The following GRIA4 variants were observed in gnomAD, a reference collection of about 807,000 sequenced individuals.
GRIA4 encodes the protein glutamate ionotropic receptor AMPA type subunit 4.
In GRIA4, 34 loss-of-function variants were observed where a neutral mutation model predicts 104.0. That is an observed-to-expected ratio of 0.33 (90% CI 0.25 to 0.44). The LOEUF is 0.44. Ranked by LOEUF, GRIA4 falls within the 20% of genes least tolerant of loss-of-function variation. The probability of loss-of-function intolerance (pLI) is 1.00; values close to 1 mark genes in which losing one functional copy is unlikely to be tolerated. For synonymous variants in GRIA4, 386 were observed against 381.9 expected (o/e 1.01, Z -0.13); for missense variants, 750 against 1,096.5 (o/e 0.68, Z 4.46).
chr11:105,929,137 CCT>C (rs1378553230), intron 13 of GRIA4, among the ~76,000 whole-genome samples: 1 of 151,938 alleles, frequency 6.6e-6, no homozygotes, highest in Non-Finnish European at 1.5e-5. Context: ...CATTTCCTAC[CCT>C]GTTTGCTTCC....
intron 14 of GRIA4, among the ~76,000 whole-genome samples, chr11:105,960,628 A>C (rs1470939433): frequency 6.6e-6 from 1 of 152,164 alleles, no homozygotes; most frequent in East Asian, 1.9e-4. Context: ...AACAGCTTCG[A>C]CAGCAGGCAG....
chr11:105,888,716 T>C (rs1946364198), intron 6 of GRIA4, among the ~76,000 whole-genome samples: 1 of 152,080 alleles, frequency 6.6e-6, no homozygotes, highest in African/African-American at 2.4e-5. Context: ...TGTCAGACTT[T>C]GAGACAGGAA....
At chr11:105,786,341 T>A (rs181234359) in intron 4 of GRIA4, among the ~76,000 whole-genome samples, 6 of 152,252 alleles carry the variant, frequency 3.9e-5, no homozygotes, top group Admixed American at 3.3e-4. Context: ...TTAGGTTTAT[T>A]ACAACAAATT....
chr11:105,886,576 C>T (rs1946270993), intron 5 of GRIA4, among the ~76,000 whole-genome samples: 3 of 147,194 alleles, frequency 2.0e-5, no homozygotes, highest in African/African-American at 7.4e-5. Flanking sequence ...GGTTTTCCTA[C>T]ATTTCATACA....
At chr11:105,820,140 G>A (rs1943526270) in intron 4 of GRIA4, among the ~76,000 whole-genome samples, 1 of 152,042 alleles carries the variant, frequency 6.6e-6, no homozygotes, top group Non-Finnish European at 1.5e-5. Flanking sequence ...CAGACTTCTA[G>A]CCCCTACAAT....
At chr11:105,967,115 G>A (rs1313888431) in intron 14 of GRIA4, among the ~76,000 whole-genome samples, 1 of 151,866 alleles carries the variant, frequency 6.6e-6, no homozygotes, top group Admixed American at 6.6e-5. Flanking sequence ...AAATATCATA[G>A]AATAACACCA....
chr11:105,825,630 C>G (rs574341841), intron 4 of GRIA4, among the ~76,000 whole-genome samples: 2 of 152,024 alleles, frequency 1.3e-5, no homozygotes, highest in Non-Finnish European at 2.9e-5. Flanking sequence ...GTATCTGCAT[C>G]TAAGAGACAA....
intron 4 of GRIA4, among the ~76,000 whole-genome samples, chr11:105,844,663 C>T (rs956671860): frequency 6.6e-6 from 1 of 152,120 alleles, no homozygotes; most frequent in East Asian, 1.9e-4. Flanking sequence ...CTCCAAAGAT[C>T]CTAAAAGTTT....
At chr11:105,970,134 C>T (rs1257612333) in intron 14 of GRIA4, among the ~76,000 whole-genome samples, 1 of 152,104 alleles carries the variant, frequency 6.6e-6, no homozygotes, top group African/African-American at 2.4e-5. Flanking sequence ...TTAAATCATG[C>T]TCATGTCAGA....
At chr11:105,965,985 A>G (rs1858346793) in intron 14 of GRIA4, 2 of 1,613,006 alleles carry the variant, frequency 1.2e-6, no homozygotes, top group African/African-American at 1.3e-5. Flanking sequence ...CTGAATGAAC[A>G]AGGCCTCTTG....
chr11:105,855,145 T>C (rs1944965304), intron 4 of GRIA4, among the ~76,000 whole-genome samples: 1 of 152,162 alleles, frequency 6.6e-6, no homozygotes, highest in Non-Finnish European at 1.5e-5. Flanking sequence ...CTCACCATCT[T>C]TATTCATCAA....
intron 3 of GRIA4, among the ~76,000 whole-genome samples, chr11:105,634,168 G>A (rs1951114364): frequency 6.6e-6 from 1 of 151,944 alleles, no homozygotes; most frequent in Admixed American, 6.6e-5. Flanking sequence ...GCAACATGGT[G>A]AAACCCCGAC....
intron 5 of GRIA4, among the ~76,000 whole-genome samples, chr11:105,876,642 T>C (rs1264731455): frequency 6.6e-6 from 1 of 152,224 alleles, no homozygotes; most frequent in Non-Finnish European, 1.5e-5. Flanking sequence ...CTCTTCTTGT[T>C]GCATTGATCC....
At chr11:105,848,525 C>T (rs773478765) in intron 4 of GRIA4, among the ~76,000 whole-genome samples, 1 of 152,110 alleles carries the variant, frequency 6.6e-6, no homozygotes, top group Non-Finnish European at 1.5e-5. Context: ...CTGGAATTTA[C>T]ATTAAAGTGG....
At chr11:105,918,966 T>C in intron 11 of GRIA4, 48 bp downstream of exon 11, 1 of 1,099,250 alleles carries the variant, frequency 9.1e-7, no homozygotes, top group Non-Finnish European at 1.4e-6. Context: ...CACCTGAAAC[T>C]TCTTTTCCCT....
intron 2 of GRIA4, 116 bp downstream of exon 2, chr11:105,611,201 C>T: frequency 2.7e-6 from 2 of 741,920 alleles, no homozygotes; most frequent in South Asian, 1.5e-5. Context: ...CCCTTCCCCT[C>T]TGTTTCCCTC....
chr11:105,786,224 T>C (rs1417572446), intron 4 of GRIA4, among the ~76,000 whole-genome samples: 2 of 148,720 alleles, frequency 1.3e-5, no homozygotes, highest in Non-Finnish European at 3.0e-5. Flanking sequence ...TTTTGTAAAA[T>C]ATCTATGCCC....
At chr11:105,769,983 C>G (rs565829350) in intron 4 of GRIA4, among the ~76,000 whole-genome samples, 29 of 152,176 alleles carry the variant, frequency 1.9e-4, no homozygotes, top group Non-Finnish European at 3.8e-4. Context: ...TGGATTTCTA[C>G]ACCTACTGTA....
At chr11:105,684,329 T>G (rs1651563118) in intron 3 of GRIA4, among the ~76,000 whole-genome samples, 1 of 151,970 alleles carries the variant, frequency 6.6e-6, no homozygotes, top group Non-Finnish European at 1.5e-5. Flanking sequence ...ATAACACGAT[T>G]TTTTCATGGT....
Sources: allele counts gnomAD v4.1 joint callset (sites outside exome capture counted in the v4.1 genomes callset), GRCh38; gene constraint gnomAD v4.1.1; transcripts MANE v1.5; gene names NCBI Gene and HGNC (gene_info 2026-07-23, HGNC 2026-07-21).